Variants in COL19A1 observed in about 807,000 individuals in gnomAD.
COL19A1 encodes the protein collagen alpha-1(XIX) chain.
In COL19A1, 159 loss-of-function variants were observed where a neutral mutation model predicts 190.2. That is an observed-to-expected ratio of 0.84 (90% CI 0.73 to 0.95). COL19A1 has a LOEUF of 0.95. Among genes scored for constraint, COL19A1 ranks in the 40% least tolerant of loss-of-function variants. The pLI, the probability that COL19A1 is intolerant of heterozygous loss-of-function variation, is 0.00. For missense variants in COL19A1, 1,418 were observed against 1,431.9 expected, an observed-to-expected ratio of 0.99 and a Z score of 0.16; for synonymous variants, 509 against 458.9, an observed-to-expected ratio of 1.11 and a Z score of -1.39.
intron 15 of COL19A1, among the ~76,000 whole-genome samples, chr6:70,078,107 C>T (rs2150160301): frequency 6.6e-6 from 1 of 152,212 alleles, no homozygotes; most frequent in Middle Eastern, 3.4e-3. Context: ...AAAATCTCTA[C>T]ACTGAGAGAA....
At chr6:69,960,672 C>T (rs1473942099) in intron 10 of COL19A1, among the ~76,000 whole-genome samples, 2 of 149,142 alleles carry the variant, frequency 1.3e-5, no homozygotes, top group Non-Finnish European at 1.5e-5. Flanking sequence ...CTCTGTCTCC[C>T]AGGCTGGAGT....
At chr6:70,107,039 T>C (rs9454974) in intron 16 of COL19A1, among the ~76,000 whole-genome samples, 9,916 of 152,244 alleles carry the variant, frequency 0.065, 1,054 homozygotes, top group African/African-American at 0.23. Context: ...TACAACTATC[T>C]TGAAAAGTAG....
At chr6:70,149,146 C>T (rs184009728) in intron 27 of COL19A1, among the ~76,000 whole-genome samples, 3 of 152,218 alleles carry the variant, frequency 2.0e-5, no homozygotes, top group Non-Finnish European at 4.4e-5. Context: ...GAACATTCCT[C>T]ATGCAGAAGT....
chr6:70,045,677 T>C (rs1036908219), intron 14 of COL19A1, among the ~76,000 whole-genome samples: 1 of 152,176 alleles, frequency 6.6e-6, no homozygotes, highest in Admixed American at 6.5e-5. Flanking sequence ...AGCCAGAGAT[T>C]TGGGGAGAGC....
chr6:70,129,213 A>G (rs1436615347), intron 17 of COL19A1, among the ~76,000 whole-genome samples: 1 of 152,188 alleles, frequency 6.6e-6, no homozygotes, highest in Non-Finnish European at 1.5e-5. Flanking sequence ...TTGTCCAGAA[A>G]TGGGAGGAAA....
chr6:69,922,681 A>G (rs763261993), intron 4 of COL19A1, among the ~76,000 whole-genome samples: 4 of 151,982 alleles, frequency 2.6e-5, no homozygotes, highest in African/African-American at 4.8e-5. Flanking sequence ...GGGTTTCACT[A>G]TGTTGGCCAG....
intron 47 of COL19A1, among the ~76,000 whole-genome samples, chr6:70,189,986 T>C (rs1329514830): frequency 6.6e-6 from 1 of 152,240 alleles, no homozygotes; most frequent in Non-Finnish European, 1.5e-5. Context: ...TTATACTTTT[T>C]AGATTATTTA....
At chr6:69,957,496 C>G (rs1456646651) in intron 9 of COL19A1, among the ~76,000 whole-genome samples, 1 of 151,878 alleles carries the variant, frequency 6.6e-6, no homozygotes, top group East Asian at 1.9e-4. Context: ...AACTTATCTT[C>G]CTGTAGTTTG....
rs962752557 is a variant in COL19A1, at chr6:70,211,406, C to T, written c.*4132C>T. ...TCTGTATCCACCTTCTGAAGACACA[C>T]AAGTGTTTACTGTCGCAGTTTCCCA... is the stretch of plus-strand genomic sequence containing the variant. On this transcript the variant is annotated 3_prime_UTR_variant, in exon 51 of 51. Transcript: ENST00000620364. 1.3e-5 allele frequency among the ~76,000 whole-genome samples: 2 copies of T among 151,870 alleles called. No individual in the cohort carries two copies. The highest frequency in any genetic ancestry group is 4.8e-5 in the African/African-American group (2 of 41,334).
At chr6:70,130,472 T>A (rs1191537881) in intron 18 of COL19A1, among the ~76,000 whole-genome samples, 2 of 152,262 alleles carry the variant, frequency 1.3e-5, no homozygotes, top group African/African-American at 2.4e-5. Flanking sequence ...GTGATCCACC[T>A]GCCTCAGCCT....
At chr6:70,165,870 T>G in intron 36 of COL19A1, 71 bp from the exon 37 acceptor site, 1 of 1,373,502 alleles carries the variant, frequency 7.3e-7, no homozygotes, top group Non-Finnish European at 1.0e-6. Flanking sequence ...CTGTGATTAA[T>G]TTCAGAAGAT....
intron 18 of COL19A1, among the ~76,000 whole-genome samples, chr6:70,132,646 C>T (rs1223739274): frequency 1.3e-5 from 2 of 152,132 alleles, no homozygotes; most frequent in African/African-American, 2.4e-5. Flanking sequence ...ATTGGAATCA[C>T]GTGGAAAGCT....
chr6:69,999,070 G>A (rs1404778122), intron 11 of COL19A1, among the ~76,000 whole-genome samples: 1 of 151,494 alleles, frequency 6.6e-6, no homozygotes, highest in Non-Finnish European at 1.5e-5. Context: ...GATCACAGGT[G>A]CACACCACCA....
chr6:69,996,683 T>G (rs2150079297), intron 11 of COL19A1, among the ~76,000 whole-genome samples: 1 of 152,240 alleles, frequency 6.6e-6, no homozygotes, highest in Middle Eastern at 3.4e-3. Context: ...TTCTTAATAA[T>G]TAATCAAAAC....
intron 12 of COL19A1, among the ~76,000 whole-genome samples, chr6:70,033,085 G>A (rs749460620): frequency 1.4e-4 from 22 of 152,024 alleles, no homozygotes; most frequent in African/African-American, 3.4e-4. Context: ...AGTTTTATAC[G>A]TGAAGGCATT....
chr6:70,186,476 C>G (rs1766522113), intron 46 of COL19A1, among the ~76,000 whole-genome samples: 1 of 152,258 alleles, frequency 6.6e-6, no homozygotes, highest in East Asian at 1.9e-4. Flanking sequence ...TGGCTTATTT[C>G]CATATCTGAT....
At position 70,146,907 on chromosome 6, in the gene COL19A1, G is replaced by C; in HGVS notation, c.1893+18G>C. Reference sequence around the variant, plus strand: ...GCAGAACAGTAAGTGAAATTCATTCGAGTCCTTGTTGATTCCAACATTGTG... The same window carrying C: ...GCAGAACAGTAAGTGAAATTCATTCCAGTCCTTGTTGATTCCAACATTGTG... On this transcript the variant is annotated intron_variant, in intron 27 of 50. Coordinates refer to ENST00000620364, the MANE Select transcript of COL19A1 (RefSeq NM_001858.6). The C allele has an allele frequency of 1.3e-6, 2 of 1,551,780 alleles. No homozygotes were observed. Among genetic ancestry groups the C allele is most frequent in the South Asian group, 1.2e-5 (1 of 80,516 alleles).
chr6:69,961,071 T>A (rs1202966453), intron 10 of COL19A1, among the ~76,000 whole-genome samples: 1 of 152,106 alleles, frequency 6.6e-6, no homozygotes, highest in East Asian at 1.9e-4. Context: ...ACCATCCAGA[T>A]AATCCCGCCG....
At chr6:70,004,852 C>T (rs553859083) in intron 11 of COL19A1, among the ~76,000 whole-genome samples, 42 of 144,654 alleles carry the variant, frequency 2.9e-4, no homozygotes, top group African/African-American at 9.6e-4. Flanking sequence ...TTTTTTTTGA[C>T]GGAGTCTTGC....
Sources: gnomAD v4.1 joint callset for allele counts (sites outside exome capture counted in the v4.1 genomes callset) on GRCh38, gnomAD v4.1.1 for gene constraint, MANE v1.5 for transcripts, NCBI Gene and HGNC (gene_info 2026-07-23, HGNC 2026-07-21) for gene names.